The following DTD1 variants were observed in gnomAD, a reference collection of about 807,000 sequenced individuals.
DTD1 encodes the protein D-tyrosyl-tRNA deacylase 1 homolog.
Under a neutral mutation model 25.6 loss-of-function variants are expected in DTD1, and 13 were observed. The ratio of observed to expected loss-of-function variants is 0.51; its 90% CI spans 0.33 to 0.81. The LOEUF (loss-of-function observed/expected upper bound fraction) is 0.81, where lower values mean the gene tolerates loss of function less well. Ranked by LOEUF, DTD1 falls within the 30% of genes least tolerant of loss-of-function variation. The pLI is 0.02. For synonymous variants in DTD1, 110 were observed against 103.6 expected (o/e 1.06, Z -0.37); for missense variants, 193 against 266.4 (o/e 0.72, Z 1.92).
chr20:18,646,633 G>T (rs2060851526), intron 4 of DTD1, among the ~76,000 whole-genome samples: 1 of 152,204 alleles, frequency 6.6e-6, no homozygotes, highest in Admixed American at 6.5e-5. Context: ...AGGTTAGAGG[G>T]TTGGGCCAGG....
chr20:18,735,548 T>A (rs1480219821), intron 4 of DTD1, among the ~76,000 whole-genome samples: 5 of 152,206 alleles, frequency 3.3e-5, no homozygotes, highest in African/African-American at 9.7e-5. Flanking sequence ...TGTTCTTGAT[T>A]TTTCGGAATG....
chr20:18,612,339 A>G (rs752291971), intron 3 of DTD1, among the ~76,000 whole-genome samples: 15 of 151,986 alleles, frequency 9.9e-5, no homozygotes, highest in Non-Finnish European at 1.9e-4. Context: ...TGGCCCACAC[A>G]TGTTTATTAT....
chr20:18,729,394 T>TG (rs1207991842), intron 4 of DTD1, among the ~76,000 whole-genome samples: 4 of 152,262 alleles, frequency 2.6e-5, no homozygotes, highest in African/African-American at 4.8e-5. Flanking sequence ...TGTGAGCTAC[T>TG]GGTAGATCCT....
chr20:18,590,620 G>A (rs1016749095), intron 1 of DTD1, among the ~76,000 whole-genome samples: 4 of 152,014 alleles, frequency 2.6e-5, no homozygotes, highest in African/African-American at 9.7e-5. Flanking sequence ...ACAGGTGCGC[G>A]CCACTGTGCC....
At chr20:18,677,876 T>C (rs1353638458) in intron 4 of DTD1, among the ~76,000 whole-genome samples, 1 of 152,258 alleles carries the variant, frequency 6.6e-6, no homozygotes, top group Non-Finnish European at 1.5e-5. Context: ...AGTTGCTTCT[T>C]TTTAAAAATT....
chr20:18,609,149 AT>A (rs200277859), intron 3 of DTD1, among the ~76,000 whole-genome samples: 23 of 146,822 alleles, frequency 1.6e-4, no homozygotes, highest in Admixed American at 2.7e-4. Context: ...TATTAACTTT[AT>A]TTTTTTTTTT....
chr20:18,668,749 G>C (rs1275167458), intron 4 of DTD1, among the ~76,000 whole-genome samples: 1 of 152,184 alleles, frequency 6.6e-6, no homozygotes, highest in East Asian at 1.9e-4. Context: ...AGTCCTCTCT[G>C]AACTGCTCAC....
intron 3 of DTD1, among the ~76,000 whole-genome samples, chr20:18,625,497 G>C (rs146251248): frequency 6.6e-6 from 1 of 152,300 alleles, no homozygotes; most frequent in African/African-American, 2.4e-5. Flanking sequence ...GGATGCCAAG[G>C]AACACTCCTG....
chr20:18,646,168 C>T (rs1218429899), intron 4 of DTD1, among the ~76,000 whole-genome samples: 1 of 152,186 alleles, frequency 6.6e-6, no homozygotes, highest in Non-Finnish European at 1.5e-5. Flanking sequence ...CACTATGTAC[C>T]CCGTCTTTGT....
At chr20:18,689,768 C>T (rs2061034668) in intron 4 of DTD1, among the ~76,000 whole-genome samples, 1 of 152,050 alleles carries the variant, frequency 6.6e-6, no homozygotes, top group Admixed American at 6.5e-5. Flanking sequence ...ACACTAGCCA[C>T]TTGTGACTAA....
intron 1 of DTD1, 144 bp from the exon 2 acceptor site, chr20:18,593,585 CTT>C (rs2060598903): frequency 3.3e-6 from 2 of 611,784 alleles, no homozygotes; most frequent in Non-Finnish European, 6.0e-6. Flanking sequence ...TTATGTAACT[CTT>C]TTCATTTTCG....
chr20:18,748,379 G>C (rs2061308967), intron 5 of DTD1, among the ~76,000 whole-genome samples: 1 of 152,090 alleles, frequency 6.6e-6, no homozygotes, highest in Non-Finnish European at 1.5e-5. Flanking sequence ...TTTAATCTAT[G>C]ACGGGGTATT....
rs575144845 is a variant in DTD1, at chr20:18,631,904, C to T, written c.477+3671C>T. ...ATCTTCACCTTTCTTTCAACCAGTA[C>T]CCTCTTCTTGTTTAGGTCAAAGGGT... is the stretch of plus-strand genomic sequence containing the variant. On this transcript the variant is annotated intron_variant, in intron 4 of 5. Transcript: ENST00000377452. 2.4e-5 allele frequency: 24 copies of T among 984,472 alleles called. 1 individual carries two copies. Among genetic ancestry groups the T allele is most frequent in the South Asian group, 9.4e-5 (2 of 21,264 alleles). 61.0% of individuals were successfully genotyped at this position (984,472 alleles called of 1,614,324 possible).
intron 4 of DTD1, among the ~76,000 whole-genome samples, chr20:18,729,400 A>G (rs973692714): frequency 2.0e-5 from 3 of 152,252 alleles, no homozygotes; most frequent in African/African-American, 7.2e-5. Context: ...CTACTGGTAG[A>G]TCCTGAAACT....
chr20:18,739,119 G>GCT (rs2061267764), intron 4 of DTD1, among the ~76,000 whole-genome samples: 1 of 151,982 alleles, frequency 6.6e-6, no homozygotes, highest in Non-Finnish European at 1.5e-5. Flanking sequence ...GTGGCCTCAG[G>GCT]CTCCACCCTG....
At chr20:18,670,204 C>G (rs1219323112) in intron 4 of DTD1, among the ~76,000 whole-genome samples, 1 of 152,140 alleles carries the variant, frequency 6.6e-6, no homozygotes, top group African/African-American at 2.4e-5. Context: ...TGCGTATAAT[C>G]CCACGCTTTG....
At chr20:18,634,774 A>G (rs952546398) in intron 4 of DTD1, among the ~76,000 whole-genome samples, 6 of 152,154 alleles carry the variant, frequency 3.9e-5, no homozygotes, top group African/African-American at 1.4e-4. Context: ...TTATACTTCC[A>G]GTGACAGGGG....
At chr20:18,728,994 C>T (rs184622064) in intron 4 of DTD1, among the ~76,000 whole-genome samples, 2 of 152,210 alleles carry the variant, frequency 1.3e-5, no homozygotes, top group Non-Finnish European at 2.9e-5. Context: ...ACCAAACCTA[C>T]GGCCGATGCT....
chr20:18,694,921 C>T (rs1367419155), intron 4 of DTD1, among the ~76,000 whole-genome samples: 1 of 152,084 alleles, frequency 6.6e-6, no homozygotes, highest in African/African-American at 2.4e-5. Flanking sequence ...CAGGTATGTA[C>T]AGTATGTGAA....
Sources: allele counts gnomAD v4.1 joint callset (sites outside exome capture counted in the v4.1 genomes callset), GRCh38; gene constraint gnomAD v4.1.1; transcripts MANE v1.5; gene names NCBI Gene and HGNC (gene_info 2026-07-23, HGNC 2026-07-21).